Variants in RNF150 observed in about 807,000 individuals in gnomAD.
RNF150 encodes the protein ring finger protein 150.
RNF150 carries 24 observed loss-of-function variants against 39.3 expected under a neutral mutation model. The ratio of observed to expected loss-of-function variants is 0.61; its 90% confidence interval spans 0.44 to 0.86. The LOEUF is 0.86. Ranked by LOEUF, RNF150 falls within the 40% of genes least tolerant of loss-of-function variation. RNF150 has a pLI of 0.00. For synonymous variants in RNF150, 255 were observed against 227.3 expected (o/e 1.12, Z -1.10); for missense variants, 502 against 587.8 (o/e 0.85, Z 1.51).
At chr4:140,999,713 T>C (rs1207183455) in intron 1 of RNF150, among the ~76,000 whole-genome samples, 1 of 151,942 alleles carries the variant, frequency 6.6e-6, no homozygotes, top group Non-Finnish European at 1.5e-5. Flanking sequence ...GGCAGGTGGA[T>C]GACCTGAGGT....
intron 1 of RNF150, among the ~76,000 whole-genome samples, chr4:141,057,550 C>T (rs560228330): frequency 1.3e-5 from 2 of 152,044 alleles, no homozygotes; most frequent in Non-Finnish European, 2.9e-5. Context: ...ACCTCCCCAA[C>T]CTTCCCCTCC....
intron 1 of RNF150, among the ~76,000 whole-genome samples, chr4:141,051,170 G>T (rs191578075): frequency 1.3e-5 from 2 of 152,192 alleles, no homozygotes; most frequent in African/African-American, 4.8e-5. Context: ...GGAGCGACTG[G>T]GATGCAGAGC....
At chr4:141,192,767 T>A (rs1728131272) in intron 1 of RNF150, among the ~76,000 whole-genome samples, 1 of 152,364 alleles carries the variant, frequency 6.6e-6, no homozygotes, top group Admixed American at 6.5e-5. Context: ...AATGCTCTTG[T>A]GCTCTTTTAT....
intron 1 of RNF150, among the ~76,000 whole-genome samples, chr4:140,984,071 T>G (rs935725768): frequency 2.6e-5 from 4 of 152,132 alleles, no homozygotes. Flanking sequence ...ACCTGTCACA[T>G]GAGGTCAGAT....
rs72935033 is a variant in RNF150, at chr4:141,191,807, G to C, written c.-6+20987C>G. Among the ~76,000 whole-genome samples the C allele has an allele frequency of 9.8e-4, 150 of 152,316 alleles. 1 individual carries two copies. The highest frequency in any genetic ancestry group is 3.5e-3 in the African/African-American group (144 of 41,562). Reference sequence around the variant, plus strand: ...CCTGGCTTTGTGCCCATTGAAGGCTGATGGTCCAGCTCCTGGTCATCTTAT... The same window carrying C: ...CCTGGCTTTGTGCCCATTGAAGGCTCATGGTCCAGCTCCTGGTCATCTTAT... On this transcript the variant is annotated intron_variant, in intron 1 of 7. Coordinates refer to the RNF150 transcript ENST00000420921.
chr4:140,979,373 C>T (rs978599425), intron 1 of RNF150, among the ~76,000 whole-genome samples: 10 of 152,058 alleles, frequency 6.6e-5, no homozygotes, highest in African/African-American at 2.4e-4. Flanking sequence ...TTTACCATAA[C>T]TTCTAGCTGG....
At position 140,967,895 on chromosome 4, in the gene RNF150, G is replaced by A. The variant is rs1194823346; in HGVS notation, c.485-22C>T. 3 of 1,610,016 alleles carry A rather than the reference G, an allele frequency of 1.9e-6. No homozygotes were observed. The Admixed American group carries it at 5.0e-5, about 27-fold the overall frequency. ...ACACCTGTGGTAAGAGGGGAAGGAA[G>A]GGGCAATAAAGGTTAGGGGATAAGA... On this transcript the variant is annotated intron_variant, in intron 1 of 6. Transcript: ENST00000515673.
chr4:140,914,379 A>C (rs1294473268), intron 5 of RNF150, among the ~76,000 whole-genome samples: 3 of 152,256 alleles, frequency 2.0e-5, no homozygotes, highest in Non-Finnish European at 4.4e-5. Context: ...ACACAATCAT[A>C]AAGTTTAAAA....
chr4:141,094,458 A>G (rs1465604867), intron 1 of RNF150, among the ~76,000 whole-genome samples: 1 of 152,236 alleles, frequency 6.6e-6, no homozygotes, highest in African/African-American at 2.4e-5. Flanking sequence ...GAATTAGTAA[A>G]TTTTCTGCAA....
intron 5 of RNF150, among the ~76,000 whole-genome samples, chr4:140,916,298 A>G (rs1373588515): frequency 1.3e-5 from 2 of 152,214 alleles, no homozygotes; most frequent in Admixed American, 1.3e-4. Context: ...AAACTTTGAA[A>G]AAAATTTAGA....
chr4:141,063,005 C>A (rs1737299435), intron 1 of RNF150, among the ~76,000 whole-genome samples: 2 of 152,116 alleles, frequency 1.3e-5, no homozygotes, highest in Non-Finnish European at 2.9e-5. Flanking sequence ...TGATTTTATT[C>A]TTTTTTATGG....
intron 4 of RNF150, among the ~76,000 whole-genome samples, chr4:140,930,703 G>A (rs1054650585): frequency 7.2e-5 from 11 of 152,026 alleles, no homozygotes; most frequent in South Asian, 2.1e-4. Context: ...CAATGGCATC[G>A]AAACTGCTCT....
Position 140,867,058 on chromosome 4 carries a change from G to C in RNF150, c.*1203C>G, listed in dbSNP as rs1373846856. ...ATGCTGCATACTTTTTGGTTCAAAT[G>C]ATACAGCAAATCACACCTCATTCCT... On this transcript the variant is annotated 3_prime_UTR_variant, in exon 7 of 7. Transcript: ENST00000515673. 1 of 152,154 alleles carries C rather than the reference G, an allele frequency of 6.6e-6. No individual in the cohort carries two copies. Among genetic ancestry groups the C allele is most frequent in the African/African-American group, 2.4e-5 (1 of 41,440 alleles). 9.4% of individuals were successfully genotyped at this position (152,154 alleles called of 1,614,324 possible). A position where few individuals can be genotyped will look rare whatever the true frequency, so the allele number is the denominator to read the frequency against.
intron 5 of RNF150, among the ~76,000 whole-genome samples, chr4:140,921,898 G>A (rs1731169856): frequency 6.6e-6 from 1 of 151,896 alleles, no homozygotes; most frequent in Non-Finnish European, 1.5e-5. Context: ...TGCAGAAAAG[G>A]CCTTTGACAA....
chr4:141,104,494 G>A (rs962044054), intron 1 of RNF150, among the ~76,000 whole-genome samples: 25 of 152,236 alleles, frequency 1.6e-4, no homozygotes, highest in African/African-American at 5.5e-4. Context: ...AATACTGCAA[G>A]GTACCAGTGA....
chr4:141,048,578 T>A lies in RNF150; in HGVS notation c.485-80705A>T, dbSNP rs138078788. Among the ~76,000 whole-genome samples, 25 of 152,026 alleles carry A rather than the reference T, an allele frequency of 1.6e-4. 1 individual carries two copies. The East Asian group carries it at 4.3e-3, about 26-fold the overall frequency. ...AGACCCTGTCTCTAGAGAAAAAATT[T>A]AAAAATTAACCAGGCATGGTAGTGT... On this transcript the variant is annotated intron_variant, in intron 1 of 6. Transcript: ENST00000515673.
intron 1 of RNF150, among the ~76,000 whole-genome samples, chr4:141,085,518 A>T (rs1738329942): frequency 6.6e-6 from 1 of 152,192 alleles, no homozygotes; most frequent in Non-Finnish European, 1.5e-5. Context: ...ACTGCCTGAC[A>T]TGTGAGTGAA....
chr4:141,154,287 G>A (rs544545071), intron 1 of RNF150, among the ~76,000 whole-genome samples: 80 of 152,274 alleles, frequency 5.3e-4, no homozygotes, highest in Non-Finnish European at 9.7e-4. Context: ...CACGTAAGTA[G>A]CCAGATCCTC....
chr4:141,078,302 C>T (rs1737979615), intron 1 of RNF150, among the ~76,000 whole-genome samples: 1 of 152,078 alleles, frequency 6.6e-6, no homozygotes, highest in South Asian at 2.1e-4. Context: ...TCCTTTTTCT[C>T]TCTTCCCCTC....
Sources: gnomAD v4.1 joint callset for allele counts (sites outside exome capture counted in the v4.1 genomes callset) on GRCh38, gnomAD v4.1.1 for gene constraint, MANE v1.5 for transcripts, NCBI Gene and HGNC (gene_info 2026-07-23, HGNC 2026-07-21) for gene names.